The following RIT2 variants were observed in gnomAD, a reference collection of about 807,000 sequenced individuals.
The protein encoded by RIT2 is Ras like without CAAX 2.
Under a neutral mutation model 23.7 loss-of-function variants are expected in RIT2, and 24 were observed. The ratio of observed to expected loss-of-function variants is 1.01; its 90% CI spans 0.73 to 1.43. The LOEUF is 1.43. Ranked by LOEUF, RIT2 falls within the 40% of genes most tolerant of loss-of-function variation. RIT2 has a pLI of 0.00. For synonymous variants in RIT2, 107 were observed against 91.1 expected (o/e 1.17, Z -0.99); for missense variants, 236 against 266.9 (o/e 0.88, Z 0.81).
At chr18:43,076,147 A>C (rs1337067697) in intron 1 of RIT2, among the ~76,000 whole-genome samples, 1 of 152,190 alleles carries the variant, frequency 6.6e-6, no homozygotes, top group Non-Finnish European at 1.5e-5. Flanking sequence ...ACAGCTTCAC[A>C]TTATTCAGAT....
At chr18:42,831,917 C>A (rs1276579908) in intron 4 of RIT2, among the ~76,000 whole-genome samples, 3 of 152,180 alleles carry the variant, frequency 2.0e-5, no homozygotes, top group African/African-American at 7.2e-5. Flanking sequence ...TGACCCTACA[C>A]TAATCCTGTA....
intron 4 of RIT2, among the ~76,000 whole-genome samples, chr18:42,921,401 A>G (rs1179762562): frequency 1.3e-5 from 2 of 152,106 alleles, no homozygotes; most frequent in Non-Finnish European, 1.5e-5. Context: ...AAGTTACTCA[A>G]CTTAGTATCT....
intron 4 of RIT2, among the ~76,000 whole-genome samples, chr18:42,749,002 T>C (rs1912982857): frequency 6.6e-6 from 1 of 151,988 alleles, no homozygotes; most frequent in Non-Finnish European, 1.5e-5. Context: ...TTGATCCAAT[T>C]GACATATACA....
At chr18:42,961,103 C>A (rs138260149) in intron 3 of RIT2, among the ~76,000 whole-genome samples, 1 of 152,220 alleles carries the variant, frequency 6.6e-6, no homozygotes, top group Non-Finnish European at 1.5e-5. Context: ...TTTTAAAAGT[C>A]ATTCTGGCTT....
intron 4 of RIT2, among the ~76,000 whole-genome samples, chr18:42,871,649 T>C (rs1907623599): frequency 1.3e-5 from 2 of 152,156 alleles, no homozygotes; most frequent in African/African-American, 2.4e-5. Flanking sequence ...TCGCCAAAAC[T>C]CATTATTCCT....
rs571084231 is a variant in RIT2 at position 42,845,037 on chromosome 18, G to A, written c.426+78535C>T. Reference sequence around the variant, plus strand: ...TTGCCATAAAAATCTAAGAATGAGGGCAAATGATGCGTTCAATTTTGAATG... The same window carrying A: ...TTGCCATAAAAATCTAAGAATGAGGACAAATGATGCGTTCAATTTTGAATG... On this transcript the variant is annotated intron_variant, in intron 4 of 4. Coordinates refer to ENST00000326695, the MANE Select transcript of RIT2 (RefSeq NM_002930.4). 3.9e-5 allele frequency among the ~76,000 whole-genome samples: 6 copies of A among 152,196 alleles called. No homozygotes were observed. The South Asian group carries it at 1.2e-3, about 32-fold the overall frequency.
intron 4 of RIT2, among the ~76,000 whole-genome samples, chr18:42,792,704 A>T (rs1914070854): frequency 6.6e-6 from 1 of 152,194 alleles, no homozygotes; most frequent in Non-Finnish European, 1.5e-5. Flanking sequence ...GAAGTCAAGC[A>T]AGACCCCATT....
intron 4 of RIT2, among the ~76,000 whole-genome samples, chr18:42,818,278 G>C (rs576989330): frequency 3.9e-5 from 6 of 152,142 alleles, no homozygotes; most frequent in Admixed American, 2.6e-4. Flanking sequence ...AATTAGGCAA[G>C]ATGGATCTGT....
At chr18:43,058,647 G>A (rs934476978) in intron 1 of RIT2, among the ~76,000 whole-genome samples, 1 of 152,046 alleles carries the variant, frequency 6.6e-6, no homozygotes, top group African/African-American at 2.4e-5. Context: ...AGCACTTTGG[G>A]AGGCCAAGAT....
intron 4 of RIT2, among the ~76,000 whole-genome samples, chr18:42,860,313 A>G (rs1469757877): frequency 6.6e-6 from 1 of 152,200 alleles, no homozygotes; most frequent in Non-Finnish European, 1.5e-5. Context: ...GGAACTGAGA[A>G]GAAGGAGATG....
intron 3 of RIT2, among the ~76,000 whole-genome samples, chr18:42,935,299 T>C (rs938091847): frequency 1.3e-5 from 2 of 152,116 alleles, no homozygotes; most frequent in African/African-American, 4.8e-5. Flanking sequence ...TAGAGAGTGG[T>C]GTGCGGCAGG....
chr18:42,840,550 T>G (rs1349783786), intron 4 of RIT2, among the ~76,000 whole-genome samples: 2 of 148,242 alleles, frequency 1.3e-5, no homozygotes, highest in African/African-American at 5.0e-5. Context: ...ATGCCCAAGC[T>G]GGAGTGCAAT....
intron 1 of RIT2, among the ~76,000 whole-genome samples, chr18:43,053,978 A>G (rs996261943): frequency 6.6e-6 from 1 of 152,080 alleles, no homozygotes; most frequent in African/African-American, 2.4e-5. Flanking sequence ...ATCAGTTTCT[A>G]TCATTACCTC....
At chr18:42,803,145 C>A (rs577347276) in intron 4 of RIT2, among the ~76,000 whole-genome samples, 1 of 152,188 alleles carries the variant, frequency 6.6e-6, no homozygotes, top group Non-Finnish European at 1.5e-5. Flanking sequence ...ATAAAACAAA[C>A]ATTAGATTAT....
At chr18:42,800,187 C>A (rs549132448) in intron 4 of RIT2, among the ~76,000 whole-genome samples, 1 of 152,288 alleles carries the variant, frequency 6.6e-6, no homozygotes. Context: ...AATAGGACTA[C>A]AAATTCGATC....
intron 3 of RIT2, among the ~76,000 whole-genome samples, chr18:42,929,034 G>GAGATATATATATATAT (rs1555647353): frequency 4.5e-4 from 44 of 96,944 alleles, no homozygotes; most frequent in Non-Finnish European, 6.2e-4. Context: ...AAAATATGGA[G>GAGATATATATATATAT]ATATATATAT....
rs114624381 is a variant in RIT2 at position 43,069,980 on chromosome 18, T to C, written c.104-36113A>G. On this transcript the variant is annotated intron_variant, in intron 1 of 4. Transcript: ENST00000326695. ...TATATTATATTGTATCATATTGTAA[T>C]ATACATTTCTTCTAAAATGTAAGTT... is the stretch of plus-strand genomic sequence containing the variant. 3.5e-3 allele frequency among the ~76,000 whole-genome samples: 532 copies of C among 152,288 alleles called. 3 individuals are homozygous for C. The highest frequency in any genetic ancestry group is 0.011 in the African/African-American group (448 of 41,558).
At chr18:42,933,983 A>G (rs1909391718) in intron 3 of RIT2, among the ~76,000 whole-genome samples, 1 of 146,826 alleles carries the variant, frequency 6.8e-6, no homozygotes. Flanking sequence ...ACACCACTGC[A>G]CTCCAGCCTG....
chr18:43,070,018 G>A (rs960960731), intron 1 of RIT2, among the ~76,000 whole-genome samples: 7 of 151,944 alleles, frequency 4.6e-5, no homozygotes, highest in Non-Finnish European at 8.8e-5. Context: ...CTAAGTCCCC[G>A]TAGCCAGAAA....
Sources: allele counts gnomAD v4.1 joint callset (sites outside exome capture counted in the v4.1 genomes callset), GRCh38; gene constraint gnomAD v4.1.1; transcripts MANE v1.5; gene names NCBI Gene and HGNC (gene_info 2026-07-23, HGNC 2026-07-21).